The following MYO18A variants were observed in gnomAD, a reference collection of about 807,000 sequenced individuals.
MYO18A encodes myosin XVIIIA.
Under a neutral mutation model 235.8 loss-of-function variants are expected in MYO18A, and 78 were observed. The ratio of observed to expected loss-of-function variants is 0.33; its 90% CI spans 0.28 to 0.40. MYO18A has a LOEUF of 0.40. Ranked by LOEUF, MYO18A falls within the 10% of genes least tolerant of loss-of-function variation. MYO18A has a pLI of 1.00. For synonymous variants in MYO18A, 977 were observed against 1,077.8 expected (o/e 0.91, Z 1.83); for missense variants, 2,215 against 2,699.3 (o/e 0.82, Z 3.98).
At chr17:29,096,717 T>A in intron 28 of MYO18A, 44 bp downstream of exon 28, 1 of 1,530,122 alleles carries the variant, frequency 6.5e-7, no homozygotes, top group Non-Finnish European at 8.8e-7. Flanking sequence ...TGTCTGTGGC[T>A]GCTCCAGAAG....
chr17:29,113,195 G>A (rs544123342), intron 15 of MYO18A, among the ~76,000 whole-genome samples: 6 of 152,250 alleles, frequency 3.9e-5, no homozygotes, highest in South Asian at 2.1e-4. Flanking sequence ...ATCTGTCCCC[G>A]GGGGGATACT....
chr17:29,129,495 G>A (rs1410317835), intron 2 of MYO18A, among the ~76,000 whole-genome samples: 6 of 152,200 alleles, frequency 3.9e-5, no homozygotes, highest in African/African-American at 7.2e-5. Flanking sequence ...GCTGGCTAAC[G>A]GCAGGATAGA....
chr17:29,093,029 TG>T, intron 32 of MYO18A, 28 bp from the exon 33 acceptor site: 1 of 1,607,836 alleles, frequency 6.2e-7, no homozygotes. Context: ...GTTGGGGTTC[TG>T]GGCTCTGCAC....
intron 2 of MYO18A, among the ~76,000 whole-genome samples, chr17:29,123,258 G>A (rs2067243219): frequency 6.6e-6 from 1 of 152,162 alleles, no homozygotes; most frequent in African/African-American, 2.4e-5. Context: ...CTCTTGTTGT[G>A]TGTGGGCGAA....
intron 2 of MYO18A, among the ~76,000 whole-genome samples, chr17:29,145,078 C>T (rs1042078926): frequency 2.0e-5 from 3 of 152,166 alleles, no homozygotes; most frequent in South Asian, 2.1e-4. Context: ...TTACTGTCCA[C>T]GTGCCATGAC....
chr17:29,118,049 G>C lies in MYO18A; in HGVS notation c.2034C>G (p.Thr678=), dbSNP rs769582211. 1 of 1,580,828 alleles carries C rather than the reference G, an allele frequency of 6.3e-7. No homozygotes were observed. Among genetic ancestry groups the C allele is most frequent in the African/African-American group, 1.3e-5 (1 of 74,268 alleles). The change falls in exon 10 of 42, where the codon ACC becomes ACG. Residue 678 remains threonine (T), a synonymous_variant. Coordinates refer to ENST00000527372, the MANE Select transcript of MYO18A (RefSeq NM_078471.4). The surrounding 1 kb of genome is among the most constrained non-coding windows in gnomAD (Gnocchi z 4.2). ...CTGGGACCCACTGCAGGTTACCTTTGGTGGCTCCCGCAGCCCCCAGGTGGT... is the reference window on the plus strand; with the variant it reads ...CTGGGACCCACTGCAGGTTACCTTTCGTGGCTCCCGCAGCCCCCAGGTGGT... ...AIYHLGAAGA[T]KEAAEAGRKQ... is the part of the protein sequence containing the mutation.
At chr17:29,078,001 C>G (rs2066025239) in intron 41 of MYO18A, 1 of 152,150 alleles carries the variant, frequency 6.6e-6, no homozygotes, top group African/African-American at 2.4e-5. Flanking sequence ...GATGCCTGAT[C>G]AAATATTGAC....
chr17:29,112,098 AGC>A (rs1192693457), intron 15 of MYO18A, among the ~76,000 whole-genome samples: 2 of 152,326 alleles, frequency 1.3e-5, no homozygotes, highest in East Asian at 3.9e-4. Context: ...GAGGGTGCTT[AGC>A]ACTCCAGTCC....
At position 29,121,626 on chromosome 17, in the gene MYO18A, G is replaced by C. The variant is rs368324591; in HGVS notation, c.1292C>G (p.Ala431Gly). ...GCCAGCATACGTGTGCAGCAGGCTA[G>C]CGCCATAGCGCTGGCGCAAGGTGTG... ...VLHTLRQRYG[A>G]SLLHTYAGPS... Residue 431 changes from alanine (A) to glycine (G), a missense_variant, in exon 5 of 42, where the codon GCT (alanine) becomes GGT (glycine). By Grantham distance (60) the Ala-to-Gly change is moderately conservative (BLOSUM62 0). Coordinates refer to ENST00000527372, the MANE Select transcript of MYO18A (RefSeq NM_078471.4). This position sits in a 1 kb window ranked among gnomAD's most constrained non-coding sequence, Gnocchi z 4.2. 1.2e-5 allele frequency: 19 copies of C among 1,584,140 alleles called. No individual in the cohort carries two copies. Among genetic ancestry groups the C allele is most frequent in the Non-Finnish European group, 1.5e-5 (17 of 1,165,436 alleles).
intron 2 of MYO18A, among the ~76,000 whole-genome samples, chr17:29,146,271 A>AAAAAT (rs199597919): frequency 0.019 from 2,882 of 152,206 alleles, 61 homozygotes; most frequent in Non-Finnish European, 0.027. Flanking sequence ...AAAATAAAAT[A>AAAAAT]AAAATAAAAT....
chr17:29,084,292 A>G (rs1005318961), intron 40 of MYO18A, among the ~76,000 whole-genome samples: 3 of 152,174 alleles, frequency 2.0e-5, no homozygotes, highest in African/African-American at 7.2e-5. Context: ...CTCTTGCCAC[A>G]CAAGGATGGC....
Position 29,073,767 on chromosome 17 carries a change from C to T in MYO18A, c.*1003G>A. 2.9e-6 allele frequency: 4 copies of T among 1,369,034 alleles called. No individual in the cohort carries two copies. The highest frequency in any genetic ancestry group is 4.0e-6 in the Non-Finnish European group (4 of 995,086). The allele number at this position is 1,369,034 out of a possible 1,614,324, so 84.8% of individuals were successfully genotyped here. A position where few individuals can be genotyped will look rare whatever the true frequency, so the allele number is the denominator to read the frequency against. ...GGGGGCAGGGAGGTTGGAAGAATGA[C>T]ACGGGCTCAGGACACAGAGTGAGGA... On this transcript the variant is annotated 3_prime_UTR_variant, in exon 42 of 42. Transcript: ENST00000527372.
In MYO18A at chr17:29,166,255, C is replaced by G. The variant is rs201322156; in HGVS notation, c.686G>C (p.Gly229Ala). 70 of 1,612,968 alleles carry G rather than the reference C, an allele frequency of 4.3e-5. No individual in the cohort carries two copies. In the Admixed American group the frequency reaches 1.1e-3, roughly 26 times the overall value. The change falls in exon 2 of 42, where the codon GGA becomes GCA. Residue 229 changes from glycine (G) to alanine (A), a missense_variant. Gly to Ala is a moderately conservative substitution (Grantham distance 60). Coordinates refer to ENST00000527372, the MANE Select transcript of MYO18A (RefSeq NM_078471.4). The part of the protein sequence containing the change: ...RELELQRRPT[G>A]DFGFSLRRTT... ...GCGCCGCAGGGAGAAGCCAAAGTCT[C>G]CAGTGGGCCGTCGTTGCAGCTCCAG...
At position 29,109,331 on chromosome 17, in the gene MYO18A, G is replaced by A. The variant is rs1484316339; in HGVS notation, c.3331+527C>T. ...TGGAATGATACCAGTGTGCTATCCC[G>A]GCCCCCAGCCACCGATAACAGCTTC... On this transcript the variant is annotated intron_variant, in intron 19 of 41. Coordinates refer to ENST00000527372, the MANE Select transcript of MYO18A (RefSeq NM_078471.4). This position sits in a 1 kb window ranked among gnomAD's most constrained non-coding sequence, Gnocchi z 4.1. Among the ~76,000 whole-genome samples, 4 of 151,922 alleles carry A rather than the reference G, an allele frequency of 2.6e-5. No individual in the cohort carries two copies. Among genetic ancestry groups the A allele is most frequent in the East Asian group, 1.9e-4 (1 of 5,188 alleles).
chr17:29,180,073 C>T lies in MYO18A; in HGVS notation c.-82+240G>A, dbSNP rs1223051589. Among the ~76,000 whole-genome samples, 1 of 151,412 alleles carries T rather than the reference C, an allele frequency of 6.6e-6. No homozygotes were observed. The highest frequency in any genetic ancestry group is 1.5e-5 in the Non-Finnish European group (1 of 67,564). On this transcript the variant is annotated intron_variant, in intron 1 of 41. Coordinates refer to ENST00000527372, the MANE Select transcript of MYO18A (RefSeq NM_078471.4). This position sits in a 1 kb window ranked among gnomAD's most constrained non-coding sequence, Gnocchi z 6.1. Reference sequence around the variant, plus strand: ...CGCCCCCCAGGTTGGCTGGAAGGGCCGGTGGTTCCCCCTTCCCCGCCGCTC... The same window carrying T: ...CGCCCCCCAGGTTGGCTGGAAGGGCTGGTGGTTCCCCCTTCCCCGCCGCTC...
rs2065934971 is a variant in MYO18A at position 29,074,780 on chromosome 17, G to A, written c.6155C>T (p.Thr2052Ile). The A allele has an allele frequency of 6.2e-7, 1 of 1,613,976 alleles. No homozygotes were observed. Among genetic ancestry groups the A allele is most frequent in the Non-Finnish European group, 8.5e-7 (1 of 1,179,878 alleles). The change falls in exon 42 of 42, where the codon ACT becomes ATT. Residue 2052 changes from threonine (T) to isoleucine (I), a missense_variant. Thr to Ile is a moderately conservative substitution (Grantham distance 89, BLOSUM62 -1). Coordinates refer to ENST00000527372, the MANE Select transcript of MYO18A (RefSeq NM_078471.4). The surrounding 1 kb of genome is among the most constrained non-coding windows in gnomAD (Gnocchi z 4.4). Reference protein sequence around the residue: ...DSDTEAKLTETNA With the variant: ...DSDTEAKLTEINA ...AACCACTCCCCTGGGCTATGCGTTA[G>A]TCTCCGTCAGCTTGGCCTCTGTGTC...
chr17:29,178,858 C>T (rs1271929671), intron 1 of MYO18A, among the ~76,000 whole-genome samples: 1 of 152,272 alleles, frequency 6.6e-6, no homozygotes, highest in East Asian at 1.9e-4. Flanking sequence ...TACTCACCGT[C>T]CTGCTCAGGT....
Position 29,097,779 on chromosome 17 carries a change from C to T in MYO18A, c.4102+9G>A, listed in dbSNP as rs1178931919. ...GGCCACTGCCGAGCTCCTTGGGCCT[C>T]AGGCCCACCTGCATCATCATCATCC... On this transcript the variant is annotated intron_variant, in intron 26 of 41. Transcript: ENST00000527372. 3.1e-6 allele frequency: 5 copies of T among 1,606,430 alleles called. No individual in the cohort carries two copies. The South Asian group carries it at 4.5e-5, about 14-fold the overall frequency.
At position 29,092,928 on chromosome 17, in the gene MYO18A, T is replaced by C. The variant is rs762110569; in HGVS notation, c.5000A>G (p.Asp1667Gly). ...DLKRTKALLA[D>G]AQLMLDHLKN... ...CAGGTGGTCCAGCATGAGCTGGGCA[T>C]CTGCCAGCAGGGCCTTGGTGCGCTT... Residue 1667 changes from aspartate to glycine, a missense_variant, in exon 33 of 42, where the codon GAT becomes GGT. Transcript: ENST00000527372. The C allele has an allele frequency of 1.2e-6, 2 of 1,613,976 alleles. No homozygotes were observed. Among genetic ancestry groups the C allele is most frequent in the Non-Finnish European group, 1.7e-6 (2 of 1,179,888 alleles).
Sources: gnomAD v4.1 joint callset for allele counts (sites outside exome capture counted in the v4.1 genomes callset) on GRCh38, gnomAD v4.1.1 for gene constraint, Gnocchi (gnomAD v3.1) non-coding constraint, MANE v1.5 for transcripts, NCBI Gene and HGNC (gene_info 2026-07-23, HGNC 2026-07-21) for gene names.